Variants in PAWR observed in about 807,000 individuals in gnomAD.
PAWR encodes pro-apoptotic WT1 regulator, also known as PRKC apoptosis WT1 regulator protein.
Under a neutral mutation model 32.0 loss-of-function variants are expected in PAWR, and 23 were observed. The ratio of observed to expected loss-of-function variants is 0.72; its 90% CI spans 0.52 to 1.02. The LOEUF (loss-of-function observed/expected upper bound fraction) is 1.02. PAWR is among the 50% of genes least tolerant of loss of function. The pLI is 0.00. For synonymous variants in PAWR, 226 were observed against 187.1 expected (o/e 1.21, Z -1.70); for missense variants, 457 against 437.7 (o/e 1.04, Z -0.39).
chr12:79,650,634 T>C (rs923946574), intron 2 of PAWR, among the ~76,000 whole-genome samples: 6 of 149,282 alleles, frequency 4.0e-5, no homozygotes, highest in Admixed American at 2.0e-4. Context: ...AATCTATCGG[T>C]CACAGACAAT....
intron 2 of PAWR, among the ~76,000 whole-genome samples, chr12:79,644,200 G>T (rs968601637): frequency 6.6e-6 from 1 of 152,082 alleles, no homozygotes; most frequent in Non-Finnish European, 1.5e-5. Context: ...CAAAGTTCTT[G>T]ATCTCATTTC....
intron 2 of PAWR, among the ~76,000 whole-genome samples, chr12:79,667,176 A>AT (rs1877650218): frequency 6.6e-6 from 1 of 152,240 alleles, no homozygotes; most frequent in Admixed American, 6.5e-5. Context: ...CCTTGGCAAA[A>AT]TAAATTTTCT....
chr12:79,595,323 T>C (rs1796565942), intron 5 of PAWR, among the ~76,000 whole-genome samples: 1 of 152,178 alleles, frequency 6.6e-6, no homozygotes, highest in Non-Finnish European at 1.5e-5. Context: ...GGCACTGGGC[T>C]TGGTCAGCCA....
Position 79,596,489 on chromosome 12 carries a change from TTAAA to T in PAWR, c.831+18_831+21del, listed in dbSNP as rs767953196. 3.2e-5 allele frequency: 41 copies of T among 1,276,088 alleles called. No individual in the cohort carries two copies. The highest frequency in any genetic ancestry group is 4.4e-5 in the Non-Finnish European group (40 of 912,620). 79.0% of individuals were successfully genotyped at this position (1,276,088 alleles called of 1,614,324 possible). A position where few individuals can be genotyped will look rare whatever the true frequency, so the allele number is the denominator to read the frequency against. On this transcript the variant is annotated intron_variant, in intron 5 of 6. Coordinates refer to ENST00000328827, the MANE Select transcript of PAWR (RefSeq NM_002583.4). ...TAATGGTATATTAATTTTATCAATC[TTAAA>T]TAACTTATAATCCATACCTTTTCAA...
intron 4 of PAWR, among the ~76,000 whole-genome samples, chr12:79,610,640 T>C (rs1170210597): frequency 2.0e-5 from 3 of 151,876 alleles, no homozygotes; most frequent in Admixed American, 1.3e-4. Context: ...AAATTACACA[T>C]TGAGGCCAGG....
chr12:79,609,516 C>T (rs572852771), intron 4 of PAWR, among the ~76,000 whole-genome samples: 20 of 152,140 alleles, frequency 1.3e-4, no homozygotes, highest in Non-Finnish European at 2.6e-4. Flanking sequence ...ACCCATGGCC[C>T]GTCCTGCTCC....
intron 2 of PAWR, among the ~76,000 whole-genome samples, chr12:79,655,227 T>A (rs1381732187): frequency 2.0e-5 from 3 of 152,228 alleles, no homozygotes; most frequent in Non-Finnish European, 4.4e-5. Context: ...GTGATTCGTA[T>A]GCACATTAAA....
chr12:79,671,369 T>A (rs533083653), intron 2 of PAWR, among the ~76,000 whole-genome samples: 3 of 152,338 alleles, frequency 2.0e-5, no homozygotes, highest in African/African-American at 7.2e-5. Flanking sequence ...ACAGGAAAGG[T>A]TTTAATCAAT....
chr12:79,601,207 A>ATTT (rs534042888), intron 4 of PAWR, among the ~76,000 whole-genome samples: 1 of 118,500 alleles, frequency 8.4e-6, no homozygotes, highest in South Asian at 2.8e-4. Flanking sequence ...GGAAACCTGA[A>ATTT]TTTTTTTTTT....
At chr12:79,629,805 C>G (rs1382998921) in intron 2 of PAWR, among the ~76,000 whole-genome samples, 1 of 152,020 alleles carries the variant, frequency 6.6e-6, no homozygotes, top group Non-Finnish European at 1.5e-5. Flanking sequence ...TTGACCACTA[C>G]TCAATTAAAC....
chr12:79,586,417 A>G lies in PAWR; in HGVS notation c.*6190T>C, dbSNP rs186131819. 7.9e-5 allele frequency: 12 copies of G among 152,720 alleles called. No homozygotes were observed. Among genetic ancestry groups the G allele is most frequent in the African/African-American group, 2.6e-4 (11 of 41,582 alleles). 9.5% of individuals were successfully genotyped at this position (152,720 alleles called of 1,614,324 possible). A position where few individuals can be genotyped will look rare whatever the true frequency, so the allele number is the denominator to read the frequency against. On this transcript the variant is annotated 3_prime_UTR_variant, in exon 7 of 7. Transcript: ENST00000328827. ...AATAATTTGTTTCCATAAAGCTAAA[A>G]TGTCCACTGATGACATAATCTACCT...
chr12:79,641,972 G>C (rs1231783268), intron 2 of PAWR, among the ~76,000 whole-genome samples: 1 of 151,712 alleles, frequency 6.6e-6, no homozygotes, highest in Admixed American at 6.6e-5. Context: ...GACCTGGAGA[G>C]GTGGGATATA....
chr12:79,653,814 T>G (rs1876970641), intron 2 of PAWR, among the ~76,000 whole-genome samples: 1 of 152,242 alleles, frequency 6.6e-6, no homozygotes. Context: ...CCTCCTCATT[T>G]TATTTGTATT....
chr12:79,645,445 A>C (rs960076613), intron 2 of PAWR, among the ~76,000 whole-genome samples: 1 of 152,184 alleles, frequency 6.6e-6, no homozygotes, highest in African/African-American at 2.4e-5. Context: ...ACTTGGTGAA[A>C]TATTAACTGA....
intron 2 of PAWR, among the ~76,000 whole-genome samples, chr12:79,663,572 A>G (rs779635977): frequency 2.8e-4 from 43 of 152,200 alleles, no homozygotes; most frequent in Non-Finnish European, 1.2e-4. Context: ...AGCCTGGGCA[A>G]CATGGCAAAA....
chr12:79,676,709 AT>A (rs1283627351), intron 2 of PAWR, among the ~76,000 whole-genome samples: 5 of 152,166 alleles, frequency 3.3e-5, no homozygotes, highest in Middle Eastern at 6.8e-3. Flanking sequence ...ATCCTTCACT[AT>A]TCTGCTCCCT....
chr12:79,689,696 G>A, intron 2 of PAWR, 33 bp downstream of exon 2: 2 of 1,529,232 alleles, frequency 1.3e-6, no homozygotes, highest in Non-Finnish European at 8.8e-7. Flanking sequence ...GCCCGCCCCG[G>A]CCCGGTCCGG....
rs546953416 is a variant in PAWR, at chr12:79,654,032, A to G, written c.517-32825T>C. ...CTGAATGATATAAAATCTTCCTATA[A>G]TAGCCAAATTGTCAGATCAGCTTAA... On this transcript the variant is annotated intron_variant, in intron 2 of 6. Coordinates refer to ENST00000328827, the MANE Select transcript of PAWR (RefSeq NM_002583.4). 2.4e-4 allele frequency among the ~76,000 whole-genome samples: 37 copies of G among 152,302 alleles called. 1 individual carries two copies. Among genetic ancestry groups the G allele is most frequent in the African/African-American group, 8.4e-4 (35 of 41,552 alleles).
rs200630820 is a variant in PAWR at position 79,689,896 on chromosome 12, C to T, written c.349G>A (p.Ala117Thr). Residue 117 changes from alanine (A) to threonine (T), a missense_variant, in exon 2 of 7, where the codon GCC (alanine) becomes ACC (threonine). Coordinates refer to ENST00000328827, the MANE Select transcript of PAWR (RefSeq NM_002583.4). ...RSEDEPPAASASAAPPPQRDE... is the reference protein window; with the variant it reads ...RSEDEPPAASTSAAPPPQRDE... ...CGCTGGGGCGGCGGTGCAGCCGAGG[C>T]AGAGGCGGCTGGGGGCTCGTCCTCC... 63 of 1,508,444 alleles carry T rather than the reference C, an allele frequency of 4.2e-5. No homozygotes were observed. The Admixed American group carries it at 1.1e-3, about 26-fold the overall frequency. The allele number at this position is 1,508,444 out of a possible 1,614,324, so 93.4% of individuals were successfully genotyped here.
Sources: allele counts gnomAD v4.1 joint callset (sites outside exome capture counted in the v4.1 genomes callset), GRCh38; gene constraint gnomAD v4.1.1; transcripts MANE v1.5; gene names NCBI Gene and HGNC (gene_info 2026-07-23, HGNC 2026-07-21).